CCDC7: variants seen among roughly 807,000 people sequenced by gnomAD.
CCDC7 encodes coiled-coil domain-containing protein 7.
In CCDC7, 183 loss-of-function variants were observed where a neutral mutation model predicts 196.9. The observed-to-expected ratio is 0.93, with a 90% CI of 0.82 to 1.05. The LOEUF (loss-of-function observed/expected upper bound fraction) is 1.05, where lower values mean the gene tolerates loss of function less well. CCDC7 is among the 50% of genes least tolerant of loss of function. CCDC7 has a pLI of 0.00. For synonymous variants in CCDC7, 525 were observed against 484.6 expected (o/e 1.08, Z -1.10); for missense variants, 1,540 against 1,482.2 (o/e 1.04, Z -0.64).
chr10:32,451,589 C>CTGT, upstream of CCDC7: 1 of 1,515,154 alleles, frequency 6.6e-7, no homozygotes, highest in Non-Finnish European at 8.8e-7. Context: ...TTTTTTTTCA[C>CTGT]AGGGAGGAAT....
chr10:32,635,273 A>C (rs929978918), intron 20 of CCDC7, 115 bp downstream of exon 21: 1 of 383,646 alleles, frequency 2.6e-6, no homozygotes, highest in African/African-American at 2.1e-5. Context: ...GTATACTTCT[A>C]GATCTATACT....
At chr10:32,751,941 C>T (rs2133486020) in intron 28 of CCDC7, among the ~76,000 whole-genome samples, 1 of 152,256 alleles carries the variant, frequency 6.6e-6, no homozygotes, top group South Asian at 2.1e-4. Flanking sequence ...AAATGCCTAA[C>T]TCACTGAAGG....
chr10:32,536,504 C>A (rs1296065426), intron 11 of CCDC7, among the ~76,000 whole-genome samples: 2 of 152,142 alleles, frequency 1.3e-5, no homozygotes, highest in Non-Finnish European at 2.9e-5. Context: ...CAGCAAACCT[C>A]ACACTTCGGT....
At chr10:32,845,191 T>C in intron 33 of CCDC7, 52 bp from the exon 35 acceptor site, 2 of 1,115,378 alleles carry the variant, frequency 1.8e-6, no homozygotes, top group South Asian at 1.5e-5. Flanking sequence ...CATACTCAGA[T>C]TTGGTAATGT....
intron 14 of CCDC7, 31 bp from the exon 16 acceptor site, chr10:32,567,639 G>A: frequency 6.3e-7 from 1 of 1,575,908 alleles, no homozygotes; most frequent in Non-Finnish European, 8.6e-7. Flanking sequence ...ATCAGAAAAT[G>A]CTTAATAAAC....
intron 30 of CCDC7, among the ~76,000 whole-genome samples, chr10:32,811,256 G>A (rs533649514): frequency 6.6e-6 from 1 of 151,752 alleles, no homozygotes; most frequent in South Asian, 2.1e-4. Flanking sequence ...AAACCACTAG[G>A]TAGACTAACT....
intron 29 of CCDC7, among the ~76,000 whole-genome samples, chr10:32,789,568 A>G: frequency 6.6e-6 from 1 of 152,086 alleles, no homozygotes; most frequent in East Asian, 1.9e-4. Flanking sequence ...GTAAAAAAAA[A>G]AAAAACCCTA....
chr10:32,876,310 A>C (rs372025479), intron 41 of CCDC7, 37 bp from the exon 43 acceptor site: 32 of 1,539,338 alleles, frequency 2.1e-5, no homozygotes, highest in African/African-American at 2.8e-5. Flanking sequence ...AGTAAAATTA[A>C]ACTTTTTTTC....
chr10:32,793,498 G>T (rs1350224909), intron 29 of CCDC7, among the ~76,000 whole-genome samples: 1 of 151,826 alleles, frequency 6.6e-6, no homozygotes, highest in Non-Finnish European at 1.5e-5. Context: ...TATGTGTTTT[G>T]ATATTAGCTT....
chr10:32,644,813 C>A (rs951813924), intron 20 of CCDC7, among the ~76,000 whole-genome samples: 2 of 152,198 alleles, frequency 1.3e-5, no homozygotes, highest in Non-Finnish European at 2.9e-5. Flanking sequence ...TCCCCAGTCA[C>A]CTGGAACTGT....
At chr10:32,703,604 G>T (rs926509319) in intron 24 of CCDC7, among the ~76,000 whole-genome samples, 9 of 152,062 alleles carry the variant, frequency 5.9e-5, no homozygotes, top group African/African-American at 1.9e-4. Flanking sequence ...ATATCCTGCA[G>T]ACTGTTTTCC....
chr10:32,663,323 T>C (rs1460959397), intron 20 of CCDC7, among the ~76,000 whole-genome samples: 2 of 152,182 alleles, frequency 1.3e-5, no homozygotes, highest in Admixed American at 6.5e-5. Flanking sequence ...TTGTAGACAC[T>C]CAGTGCTAGG....
intron 11 of CCDC7, among the ~76,000 whole-genome samples, chr10:32,528,173 T>G (rs183795446): frequency 1.5e-3 from 223 of 152,330 alleles, no homozygotes; most frequent in African/African-American, 5.2e-3. Context: ...TCCAGTTTCA[T>G]CCATGTTGCT....
At chr10:32,788,949 C>T (rs1475605350) in intron 29 of CCDC7, among the ~76,000 whole-genome samples, 2 of 152,294 alleles carry the variant, frequency 1.3e-5, no homozygotes, top group Non-Finnish European at 2.9e-5. Flanking sequence ...GGCTCTAGGC[C>T]CAACCTGGTA....
intron 9 of CCDC7, among the ~76,000 whole-genome samples, chr10:32,502,400 C>T (rs2044212963): frequency 6.6e-6 from 1 of 152,182 alleles, no homozygotes; most frequent in Non-Finnish European, 1.5e-5. Context: ...CACTGTCCAA[C>T]CAGTCCTATT....
At chr10:32,565,514 A>C in intron 13 of CCDC7, 44 bp from the exon 15 acceptor site, 1 of 1,578,428 alleles carries the variant, frequency 6.3e-7, no homozygotes, top group Admixed American at 1.9e-5. Flanking sequence ...AATTAATTAA[A>C]AATACCAAAG....
intron 20 of CCDC7, among the ~76,000 whole-genome samples, chr10:32,646,372 C>T (rs1259603508): frequency 6.6e-6 from 1 of 151,568 alleles, no homozygotes; most frequent in Non-Finnish European, 1.5e-5. Flanking sequence ...TAGTTTTATT[C>T]CATTGTAATC....
chr10:32,520,095 C>T (rs974749194), intron 11 of CCDC7, among the ~76,000 whole-genome samples: 3 of 152,130 alleles, frequency 2.0e-5, no homozygotes, highest in East Asian at 1.9e-4. Flanking sequence ...ATGAGTATTA[C>T]GTTTTCTTTT....
At chr10:32,707,095 A>G (rs1439534783) in intron 24 of CCDC7, among the ~76,000 whole-genome samples, 1 of 152,234 alleles carries the variant, frequency 6.6e-6, no homozygotes, top group Non-Finnish European at 1.5e-5. Flanking sequence ...AACAGAATCC[A>G]GCAGGGTATC....
Sources: gnomAD v4.1 joint callset for allele counts (sites outside exome capture counted in the v4.1 genomes callset) on GRCh38, gnomAD v4.1.1 for gene constraint, MANE v1.5 for transcripts, NCBI Gene and HGNC (gene_info 2026-07-23, HGNC 2026-07-21) for gene names.